CHMP7: variants seen among roughly 807,000 people sequenced by gnomAD.
CHMP7 encodes the protein CHMP family, member 7.
Under a neutral mutation model 53.7 loss-of-function variants are expected in CHMP7, and 15 were observed. The observed-to-expected ratio is 0.28, with a 90% CI of 0.19 to 0.43. The LOEUF (loss-of-function observed/expected upper bound fraction) is 0.43. Ranked by LOEUF, CHMP7 falls within the 20% of genes least tolerant of loss-of-function variation. CHMP7 has a pLI of 1.00. For missense variants in CHMP7, 527 were observed against 569.4 expected (o/e 0.93, Z 0.76); for synonymous variants, 261 against 228.0 (o/e 1.14, Z -1.30).
At chr8:23,257,087 C>T (rs11135718) in intron 5 of CHMP7, among the ~76,000 whole-genome samples, 12,897 of 145,866 alleles carry the variant, frequency 0.088, 861 homozygotes, top group East Asian at 0.35. Flanking sequence ...CCACCGTGCC[C>T]GGCCTTTTTT....
intron 1 of CHMP7, among the ~76,000 whole-genome samples, chr8:23,245,070 T>A (rs1462734332): frequency 6.6e-6 from 1 of 152,256 alleles, no homozygotes; most frequent in African/African-American, 2.4e-5. Flanking sequence ...TTATGTCTTC[T>A]ATAAAGACAG....
chr8:23,255,415 G>A lies in CHMP7; in HGVS notation c.640G>A (p.Glu214Lys), dbSNP rs1563408562. Residue 214 changes from glutamate to lysine, a missense_variant, in exon 4 of 11, where the codon GAG becomes AAG. Coordinates refer to ENST00000397677, the MANE Select transcript of CHMP7 (RefSeq NM_152272.5). ...LQKEKRVTVL[E>K]QNGEKIVKFA... ...GAAGGAGAAGAGGGTCACAGTCCTC[G>A]AGCAGAACGGGGAGAAGGTATGGAG... 10 of 1,614,178 alleles carry A rather than the reference G, an allele frequency of 6.2e-6. No homozygotes were observed. The highest frequency in any genetic ancestry group is 1.3e-5 in the African/African-American group (1 of 75,056).
rs1802353019 is a variant in CHMP7, at chr8:23,260,734, A to G, written c.*135A>G. ...GAACCACTGATTTTATCTGGATGCTACTACTTACTACAGGACAGATAGAAT... is the reference window on the plus strand; with the variant it reads ...GAACCACTGATTTTATCTGGATGCTGCTACTTACTACAGGACAGATAGAAT... On this transcript the variant is annotated 3_prime_UTR_variant, in exon 11 of 11. Transcript: ENST00000397677. The G allele has an allele frequency of 2.6e-5, 19 of 721,362 alleles. No homozygotes were observed. Among genetic ancestry groups the G allele is most frequent in the Admixed American group, 4.6e-5 (2 of 43,922 alleles). The allele number at this position is 721,362 out of a possible 1,614,324, so 44.7% of individuals were successfully genotyped here. A position where few individuals can be genotyped will look rare whatever the true frequency, so the allele number is the denominator to read the frequency against.
chr8:23,260,296 C>T lies in CHMP7; in HGVS notation c.1273C>T (p.Leu425Phe). 1 of 1,614,192 alleles carries T rather than the reference C, an allele frequency of 6.2e-7. No individual in the cohort carries two copies. Among genetic ancestry groups the T allele is most frequent in the Non-Finnish European group, 8.5e-7 (1 of 1,180,036 alleles). ...CTCAGATGCTGAACTTGAAGCTGAA[C>T]TTGAGAAACTGTCCTTATCAGAGGG... ...RISDAELEAE[L>F]EKLSLSEGGL... The change falls in exon 10 of 11, where the codon CTT becomes TTT. Residue 425 changes from leucine (L) to phenylalanine (F), a missense_variant. Transcript: ENST00000397677.
At chr8:23,255,009 G>T (rs140522141) in intron 3 of CHMP7, 5 of 563,676 alleles carry the variant, frequency 8.9e-6, no homozygotes, top group Non-Finnish European at 1.6e-5. Context: ...GGCGTGCAGC[G>T]CAGAGCTGGC....
intron 2 of CHMP7, chr8:23,247,971 C>T: frequency 2.4e-6 from 1 of 409,852 alleles, no homozygotes; most frequent in Non-Finnish European, 5.1e-6. Context: ...TCTCCCTTCT[C>T]TACTTTTGTT....
intron 3 of CHMP7, among the ~76,000 whole-genome samples, chr8:23,251,719 G>C (rs1289244062): frequency 6.6e-6 from 1 of 152,128 alleles, no homozygotes; most frequent in Non-Finnish European, 1.5e-5. Flanking sequence ...ACACAGTATG[G>C]ATTTACTCGA....
At chr8:23,255,463 T>C (rs1802088329) in intron 4 of CHMP7, 31 bp downstream of exon 4, 2 of 1,588,530 alleles carry the variant, frequency 1.3e-6, no homozygotes, top group African/African-American at 2.7e-5. Context: ...ATTCACTGAC[T>C]CAGCAGTGAT....
intron 10 of CHMP7, 88 bp downstream of exon 10, chr8:23,260,411 C>T: frequency 6.5e-7 from 1 of 1,533,876 alleles, no homozygotes; most frequent in Non-Finnish European, 9.0e-7. Context: ...ACTCCATTTG[C>T]CAGAGTACCA....
chr8:23,252,122 A>G (rs984783080), intron 3 of CHMP7, among the ~76,000 whole-genome samples: 1 of 147,112 alleles, frequency 6.8e-6, no homozygotes, highest in Non-Finnish European at 1.5e-5. Context: ...TTTTTCACCT[A>G]TGTACTAGCC....
chr8:23,255,147 T>C (rs1274876022), intron 3 of CHMP7, 100 bp from the exon 4 acceptor site: 4 of 1,206,088 alleles, frequency 3.3e-6, no homozygotes, highest in Non-Finnish European at 4.8e-6. Context: ...GATTCCCGGG[T>C]GCTTGCCTTG....
chr8:23,247,080 C>T, intron 2 of CHMP7, 86 bp downstream of exon 2: 1 of 1,299,704 alleles, frequency 7.7e-7, no homozygotes, highest in Non-Finnish European at 1.0e-6. Flanking sequence ...CTCTGCACAG[C>T]GCACTGCGCC....
At chr8:23,259,198 T>G in intron 9 of CHMP7, 72 bp downstream of exon 9, 1 of 748,244 alleles carries the variant, frequency 1.3e-6, no homozygotes, top group Non-Finnish European at 2.0e-6. Flanking sequence ...AGACGGAGTC[T>G]CGCTCTGTCG....
At position 23,246,283 on chromosome 8, in the gene CHMP7, G is replaced by A. The variant is rs779077485; in HGVS notation, c.-413G>A. 5.4e-5 allele frequency: 10 copies of A among 186,536 alleles called. No homozygotes were observed. Among genetic ancestry groups the A allele is most frequent in the Non-Finnish European group, 1.0e-4 (9 of 89,340 alleles). The allele number at this position is 186,536 out of a possible 1,614,324, so 11.6% of individuals were successfully genotyped here. A position where few individuals can be genotyped will look rare whatever the true frequency, so the allele number is the denominator to read the frequency against. On this transcript the variant is annotated 5_prime_UTR_variant, in exon 2 of 11. Coordinates refer to ENST00000397677, the MANE Select transcript of CHMP7 (RefSeq NM_152272.5). ...ATTCACGGATCCATCCGGGTGGTCC[G>A]GGCACCACTGGCGCCCCTCTGCGGC...
intron 2 of CHMP7, 85 bp downstream of exon 2, chr8:23,247,079 G>A: frequency 7.6e-7 from 1 of 1,307,710 alleles, no homozygotes; most frequent in Non-Finnish European, 1.0e-6. Context: ...TCTCTGCACA[G>A]CGCACTGCGC....
chr8:23,243,852 G>C lies in CHMP7; in HGVS notation c.-441+8G>C, dbSNP rs990496809. On this transcript the variant is annotated splice_region_variant and intron_variant, in intron 1 of 10. Transcript: ENST00000397677. ...TTTTCACCATTCTAATAGGTGTGTA[G>C]TAGTATGCTATTCTTGTCTAATTTG... The C allele has an allele frequency of 6.6e-6, 1 of 152,346 alleles. No individual in the cohort carries two copies. The highest frequency in any genetic ancestry group is 1.5e-5 in the Non-Finnish European group (1 of 68,142). The allele number at this position is 152,346 out of a possible 1,614,324, so 9.4% of individuals were successfully genotyped here.
chr8:23,260,493 C>T (rs746904232), intron 10 of CHMP7, 45 bp from the exon 11 acceptor site: 9 of 1,584,678 alleles, frequency 5.7e-6, no homozygotes, highest in Non-Finnish European at 5.2e-6. Context: ...CCTTCATCTT[C>T]AAGATTTTCC....
chr8:23,254,575 A>G (rs1470899000), intron 3 of CHMP7, among the ~76,000 whole-genome samples: 1 of 139,452 alleles, frequency 7.2e-6, no homozygotes, highest in African/African-American at 2.6e-5. Context: ...TTTTTTTTGT[A>G]TTTTTAGTAA....
At chr8:23,248,529 A>AT (rs1414233830) in intron 2 of CHMP7, among the ~76,000 whole-genome samples, 2 of 152,254 alleles carry the variant, frequency 1.3e-5, no homozygotes, top group Non-Finnish European at 2.9e-5. Context: ...TTGCTAAATT[A>AT]TGTGGCCCTG....
Sources: gnomAD v4.1 joint callset for allele counts (sites outside exome capture counted in the v4.1 genomes callset) on GRCh38, gnomAD v4.1.1 for gene constraint, MANE v1.5 for transcripts, NCBI Gene and HGNC (gene_info 2026-07-23, HGNC 2026-07-21) for gene names.